The following DISP1 variants were observed in gnomAD, a reference collection of about 807,000 sequenced individuals.
DISP1 encodes the protein protein dispatched homolog 1.
In DISP1, 30 loss-of-function variants were observed where a neutral mutation model predicts 37.3. The ratio of observed to expected loss-of-function variants is 0.80; its 90% confidence interval spans 0.60 to 1.09. The LOEUF (loss-of-function observed/expected upper bound fraction) is 1.09, where lower values mean the gene tolerates loss of function less well. Among genes scored for constraint, DISP1 ranks in the 50% least tolerant of loss-of-function variants. The pLI, the probability that DISP1 is intolerant of heterozygous loss-of-function variation, is 0.00. For missense variants in DISP1, 1,598 were observed against 1,879.5 expected, an observed-to-expected ratio of 0.85 and a Z score of 2.77; for synonymous variants, 634 against 690.2, an observed-to-expected ratio of 0.92 and a Z score of 1.28.
intron 4 of DISP1, among the ~76,000 whole-genome samples, chr1:222,984,275 T>C (rs1163505113): frequency 6.6e-6 from 1 of 151,410 alleles, no homozygotes; most frequent in Non-Finnish European, 1.5e-5. Context: ...AGCATTGTGG[T>C]TTGTACCTGT....
intron 2 of DISP1, among the ~76,000 whole-genome samples, chr1:222,936,525 A>ATC (rs1431503929): frequency 1.5e-5 from 2 of 131,628 alleles, no homozygotes; most frequent in African/African-American, 2.8e-5. Flanking sequence ...TATGATGGAA[A>ATC]TGTCTCTCTC....
intron 1 of DISP1, among the ~76,000 whole-genome samples, chr1:222,821,197 C>T (rs1425661367): frequency 6.6e-6 from 1 of 152,196 alleles, no homozygotes; most frequent in Admixed American, 6.5e-5. Context: ...TTCTTAACTA[C>T]AGTGCTGTCT....
intron 1 of DISP1, among the ~76,000 whole-genome samples, chr1:222,903,382 G>A (rs897476645): frequency 3.3e-5 from 5 of 150,872 alleles, no homozygotes; most frequent in African/African-American, 1.2e-4. Flanking sequence ...ACACCAACGT[G>A]GCATATGTAT....
At chr1:222,932,241 T>TA (rs1177202943) in intron 2 of DISP1, among the ~76,000 whole-genome samples, 2 of 151,944 alleles carry the variant, frequency 1.3e-5, no homozygotes, top group Admixed American at 1.3e-4. Context: ...CAGGATGCTT[T>TA]AAAAAATGCT....
chr1:222,977,133 G>A (rs899572803), intron 3 of DISP1, among the ~76,000 whole-genome samples: 13 of 152,006 alleles, frequency 8.6e-5, no homozygotes, highest in African/African-American at 2.9e-4. Flanking sequence ...AGGTTCAAGC[G>A]ATTCTCCTGC....
chr1:222,873,459 T>C (rs1572394444), intron 1 of DISP1, among the ~76,000 whole-genome samples: 1 of 152,336 alleles, frequency 6.6e-6, no homozygotes, highest in African/African-American at 2.4e-5. Context: ...TGGGTGCTCC[T>C]GTATTGGGTG....
At chr1:222,821,037 A>G (rs898817640) in intron 1 of DISP1, among the ~76,000 whole-genome samples, 3 of 151,952 alleles carry the variant, frequency 2.0e-5, no homozygotes, top group African/African-American at 7.3e-5. Flanking sequence ...TTTGCCTTCA[A>G]GTTTATCATT....
intron 3 of DISP1, among the ~76,000 whole-genome samples, chr1:222,980,851 C>G (rs999669118): frequency 8.5e-5 from 13 of 152,150 alleles, no homozygotes; most frequent in Admixed American, 3.3e-4. Flanking sequence ...TTGGGAGGCC[C>G]AGGCGGGTGG....
chr1:222,897,152 T>C (rs775354813), intron 1 of DISP1, among the ~76,000 whole-genome samples: 9 of 152,204 alleles, frequency 5.9e-5, no homozygotes, highest in Non-Finnish European at 7.3e-5. Flanking sequence ...TTCAGTGGCA[T>C]ACTCCTCAGC....
At chr1:222,827,984 TCA>T (rs1664828718) in intron 1 of DISP1, among the ~76,000 whole-genome samples, 1 of 152,298 alleles carries the variant, frequency 6.6e-6, no homozygotes, top group South Asian at 2.1e-4. Context: ...TGAGCATACT[TCA>T]GTGTCATGAA....
At chr1:222,945,254 TA>T (rs1297215058) in intron 3 of DISP1, among the ~76,000 whole-genome samples, 1 of 152,168 alleles carries the variant, frequency 6.6e-6, no homozygotes, top group Non-Finnish European at 1.5e-5. Context: ...GTCGTTTAAT[TA>T]TAGGCTATGA....
chr1:222,926,247 C>T (rs951844910), intron 1 of DISP1, among the ~76,000 whole-genome samples: 3 of 152,180 alleles, frequency 2.0e-5, no homozygotes, highest in African/African-American at 7.2e-5. Context: ...TAGCATGTAT[C>T]AGTGCTTCAT....
chr1:222,985,425 G>T (rs1317750757), intron 4 of DISP1, among the ~76,000 whole-genome samples: 1 of 152,228 alleles, frequency 6.6e-6, no homozygotes, highest in Non-Finnish European at 1.5e-5. Context: ...GCCGAGGCGG[G>T]CAGATCACGA....
chr1:222,839,165 C>T (rs539385720), intron 1 of DISP1, among the ~76,000 whole-genome samples: 1 of 152,272 alleles, frequency 6.6e-6, no homozygotes, highest in African/African-American at 2.4e-5. Flanking sequence ...CTGGGCCGCA[C>T]AGCAGAAGGT....
chr1:222,877,739 G>A (rs1479817528), intron 1 of DISP1, among the ~76,000 whole-genome samples: 4 of 152,216 alleles, frequency 2.6e-5, no homozygotes, highest in South Asian at 4.1e-4. Flanking sequence ...TGAAGGAGAA[G>A]TGCTGTGAAT....
Position 223,003,468 on chromosome 1 carries a change from T to G in DISP1, c.2071T>G (p.Cys691Gly), listed in dbSNP as rs1572748759. ...KSCWTVACQK[C>G]HKVLFAISEA... ...CTGCTGGACAGTGGCTTGCCAGAAG[T>G]GCCACAAAGTACTCTTTGCCATTTC... Residue 691 changes from cysteine to glycine, a missense_variant, in exon 9 of 9, where the codon TGC (cysteine) becomes GGC (glycine). Cys to Gly is a radical substitution (Grantham distance 159, BLOSUM62 -3). Transcript: ENST00000675850. The surrounding 1 kb of genome is among the most constrained non-coding windows in gnomAD (Gnocchi z 4.3). 1 of 1,614,138 alleles carries G rather than the reference T, an allele frequency of 6.2e-7. No homozygotes were observed. Among genetic ancestry groups the G allele is most frequent in the Non-Finnish European group, 8.5e-7 (1 of 1,180,018 alleles).
intron 3 of DISP1, among the ~76,000 whole-genome samples, chr1:222,961,357 A>G (rs2102594065): frequency 6.6e-6 from 1 of 152,360 alleles, no homozygotes; most frequent in East Asian, 1.9e-4. Flanking sequence ...AAACAGAACC[A>G]AAGACAAAAA....
chr1:222,881,453 C>A (rs923082428), intron 1 of DISP1, among the ~76,000 whole-genome samples: 9 of 152,206 alleles, frequency 5.9e-5, no homozygotes, highest in African/African-American at 2.2e-4. Flanking sequence ...GCTTCGGCCT[C>A]CCAAAGTGCT....
At chr1:222,883,011 A>T (rs932877161) in intron 1 of DISP1, among the ~76,000 whole-genome samples, 1 of 152,350 alleles carries the variant, frequency 6.6e-6, no homozygotes, top group East Asian at 1.9e-4. Context: ...GAAGAAACTT[A>T]TGAGATAGTA....
Sources: allele counts gnomAD v4.1 joint callset (sites outside exome capture counted in the v4.1 genomes callset), GRCh38; gene constraint gnomAD v4.1.1; non-coding constraint Gnocchi (gnomAD v3.1); transcripts MANE v1.5; gene names NCBI Gene and HGNC (gene_info 2026-07-23, HGNC 2026-07-21).